Variants in IGSF9 observed in about 807,000 individuals in gnomAD.
The protein encoded by IGSF9 is immunoglobulin superfamily member 9, also known as protein turtle homolog A.
Under a neutral mutation model 121.7 loss-of-function variants are expected in IGSF9, and 87 were observed. That is an observed-to-expected ratio of 0.71 (90% confidence interval 0.60 to 0.85). IGSF9 has a LOEUF of 0.85. Among genes scored for constraint, IGSF9 ranks in the 40% least tolerant of loss-of-function variants. The probability of loss-of-function intolerance (pLI) is 0.00; values close to 1 mark genes in which losing one functional copy is unlikely to be tolerated. For synonymous variants in IGSF9, 640 were observed against 648.4 expected, an observed-to-expected ratio of 0.99 and a Z score of 0.20; for missense variants, 1,462 against 1,565.3, an observed-to-expected ratio of 0.93 and a Z score of 1.11.
chr1:159,938,361 G>A (rs993128145), intron 3 of IGSF9, among the ~76,000 whole-genome samples: 2 of 152,132 alleles, frequency 1.3e-5, no homozygotes, highest in African/African-American at 4.8e-5. Context: ...CAGCCTAAGC[G>A]CCTTAGGGTG....
At chr1:159,941,917 A>G (rs531458654) in intron 3 of IGSF9, among the ~76,000 whole-genome samples, 1 of 152,304 alleles carries the variant, frequency 6.6e-6, no homozygotes, top group East Asian at 1.9e-4. Context: ...TTGAAAAGAA[A>G]CTTCCCTTCT....
chr1:159,936,708 C>T (rs567002686), intron 5 of IGSF9, 46 bp downstream of exon 5: 19 of 1,602,240 alleles, frequency 1.2e-5, no homozygotes, highest in Non-Finnish European at 1.6e-5. Context: ...CCCCCACCTT[C>T]CCTTCACACT....
intron 7 of IGSF9, 39 bp from the exon 8 acceptor site, chr1:159,934,609 C>T (rs1200723295): frequency 6.2e-7 from 1 of 1,613,096 alleles, no homozygotes; most frequent in Non-Finnish European, 8.5e-7. Flanking sequence ...CCAGGCCTTG[C>T]CCAGCCAAGC....
At chr1:159,933,480 G>T (rs998536999) in intron 9 of IGSF9, 1 of 152,440 alleles carries the variant, frequency 6.6e-6, no homozygotes, top group African/African-American at 2.4e-5. Context: ...TTGGAATGAG[G>T]CAATAGTAAC....
At chr1:159,940,743 G>C (rs1045898837) in intron 3 of IGSF9, among the ~76,000 whole-genome samples, 2 of 152,230 alleles carry the variant, frequency 1.3e-5, no homozygotes, top group African/African-American at 2.4e-5. Context: ...AGAGCAAGCA[G>C]GGGAGTTCTA....
At position 159,932,204 on chromosome 1, in the gene IGSF9, C is replaced by T; in HGVS notation, c.1246-276G>A. 3.5e-6 allele frequency: 2 copies of T among 574,452 alleles called. No homozygotes were observed. Among genetic ancestry groups the T allele is most frequent in the Non-Finnish European group, 6.2e-6 (2 of 323,512 alleles). 35.6% of individuals were successfully genotyped at this position (574,452 alleles called of 1,614,324 possible). ...AGGACTCTCAGAGATGTACAAACCT[C>T]TGCAGAACATTCTTCCTCCCAGAGC... On this transcript the variant is annotated intron_variant, in intron 10 of 20. Transcript: ENST00000368094. This position sits in a 1 kb window ranked among gnomAD's most constrained non-coding sequence, Gnocchi z 4.1.
Position 159,931,514 on chromosome 1 carries a change from C to G in IGSF9, c.1452G>C (p.Trp484Cys), listed in dbSNP as rs1000944519. The G allele has an allele frequency of 6.2e-7, 1 of 1,614,096 alleles. No individual in the cohort carries two copies. Among genetic ancestry groups the G allele is most frequent in the African/African-American group, 1.3e-5 (1 of 75,050 alleles). Residue 484 changes from tryptophan (W) to cysteine (C), a missense_variant, in exon 12 of 21, where the codon TGG (tryptophan) becomes TGC (cysteine). By Grantham distance (215) the Trp-to-Cys change is radical. This residue lies in a region of IGSF9 where 96 missense variants were observed against 150.7 expected (regional missense o/e 0.64). Coordinates refer to ENST00000368094, the MANE Select transcript of IGSF9 (RefSeq NM_001135050.2). This position sits in a 1 kb window ranked among gnomAD's most constrained non-coding sequence, Gnocchi z 4.8. The stretch of plus-strand genomic sequence containing the variant: ...CCACAGCATTGCTGGCACTGCATTC[C>G]CAGTGCCCGTGGGCCTCCTTGGTCA... The part of the protein sequence containing the change: ...RPLTKEAHGH[W>C]ECSASNAVAR...
In IGSF9 at chr1:159,927,631, G is replaced by A. The variant is rs189799967; in HGVS notation, c.3359-105C>T. The A allele has an allele frequency of 2.0e-4, 310 of 1,539,536 alleles. No homozygotes were observed. In the East Asian group the frequency reaches 6.4e-3, roughly 32 times the overall value. On this transcript the variant is annotated intron_variant, in intron 20 of 20. Coordinates refer to ENST00000368094, the MANE Select transcript of IGSF9 (RefSeq NM_001135050.2). ...CCTTCCAGTACAGATGGCCCAAGGG[G>A]GCAAGGCACAGTCTAGAGCAGAGGA...
In IGSF9 at chr1:159,928,281, G is replaced by A. The variant is rs756169315; in HGVS notation, c.3107C>T (p.Pro1036Leu). Residue 1036 changes from proline to leucine, a missense_variant, in exon 19 of 21, where the codon CCC becomes CTC. By Grantham distance (98) the Pro-to-Leu change is moderately conservative. Around this residue, in one of 3 missense-constraint regions of IGSF9, gnomAD observed 808 missense variants for 815.2 expected, o/e 0.99. Coordinates refer to ENST00000368094, the MANE Select transcript of IGSF9 (RefSeq NM_001135050.2). ...SGRGSASFLR[P>L]PSTAPSAGGS... ...TCCTGCAGAGGGGGCTGTGGAGGGG[G>A]GCCGCAGGAACGAAGCGCTGCCTCG... The A allele has an allele frequency of 1.1e-5, 18 of 1,612,796 alleles. No homozygotes were observed. The highest frequency in any genetic ancestry group is 1.4e-5 in the Non-Finnish European group (16 of 1,179,794).
At position 159,932,442 on chromosome 1, in the gene IGSF9, C is replaced by CA; in HGVS notation, c.1245+69_1245+70insT. 1 of 1,527,624 alleles carries CA rather than the reference C, an allele frequency of 6.5e-7. No homozygotes were observed. Among genetic ancestry groups the CA allele is most frequent in the Non-Finnish European group, 9.0e-7 (1 of 1,114,054 alleles). 94.6% of individuals were successfully genotyped at this position (1,527,624 alleles called of 1,614,324 possible). A position where few individuals can be genotyped will look rare whatever the true frequency, so the allele number is the denominator to read the frequency against. On this transcript the variant is annotated intron_variant, in intron 10 of 20. Coordinates refer to ENST00000368094, the MANE Select transcript of IGSF9 (RefSeq NM_001135050.2). This position sits in a 1 kb window ranked among gnomAD's most constrained non-coding sequence, Gnocchi z 4.1. Reference sequence around the variant, plus strand: ...TCTGCCCCACCCCACCCCCATCAGCCTGGCCTTAGCACCATCTCCAGCCAT... The same window carrying CA: ...TCTGCCCCACCCCACCCCCATCAGCCATGGCCTTAGCACCATCTCCAGCCAT...
Position 159,934,688 on chromosome 1 carries a change from G to A in IGSF9, c.808C>T (p.His270Tyr), listed in dbSNP as rs142743742. 4 of 1,614,240 alleles carry A rather than the reference G, an allele frequency of 2.5e-6. No homozygotes were observed. The highest frequency in any genetic ancestry group is 3.4e-6 in the Non-Finnish European group (4 of 1,180,038). The change falls in exon 7 of 21, where the codon CAC (histidine) becomes TAC (tyrosine). Residue 270 changes from histidine (H) to tyrosine (Y), a missense_variant. His to Tyr is a moderately conservative substitution (Grantham distance 83). Around this residue, in one of 3 missense-constraint regions of IGSF9, gnomAD observed 558 missense variants for 599.4 expected, o/e 0.93. Transcript: ENST00000368094. ...TAATGAGGGTGACCCCACCTAATGT[G>A]GAAGACATTGATGTTGTCCTGGAAC... ...SWFQDNINVF[H>Y]ISRLQPRVRI...
In IGSF9 at chr1:159,930,447, G is replaced by A. The variant is rs761330678; in HGVS notation, c.1814-8C>T. 15 of 1,527,306 alleles carry A rather than the reference G, an allele frequency of 9.8e-6. No homozygotes were observed. In the South Asian group the frequency reaches 1.9e-4, roughly 20 times the overall value. The allele number at this position is 1,527,306 out of a possible 1,614,324, so 94.6% of individuals were successfully genotyped here. On this transcript the variant is annotated splice_polypyrimidine_tract_variant and splice_region_variant and intron_variant, in intron 14 of 20. Transcript: ENST00000368094. ...CTGGCGTGGTAGGAAGCCCTGCGTG[G>A]GACAGAAAGGCAGGTCAGAGCAAGG...
Position 159,929,694 on chromosome 1 carries a change from C to G in IGSF9, c.2270G>C (p.Gly757Ala), listed in dbSNP as rs778769134. ...GVAVLVSILA[G>A]CLLNRRRAAR... ...AGCCCTGCGCCGGTTCAGGAGGCAG[C>G]CGGCCAGGATGCTCACAAGGACGGC... Residue 757 changes from glycine (G) to alanine (A), a missense_variant, in exon 17 of 21, where the codon GGC becomes GCC. Gly to Ala is a moderately conservative substitution (Grantham distance 60). Around this residue, in one of 3 missense-constraint regions of IGSF9, gnomAD observed 808 missense variants for 815.2 expected, o/e 0.99. Transcript: ENST00000368094. The G allele has an allele frequency of 6.3e-6, 10 of 1,597,504 alleles. No homozygotes were observed. The highest frequency in any genetic ancestry group is 5.7e-5 in the South Asian group (5 of 88,398).
At position 159,942,975 on chromosome 1, in the gene IGSF9, G is replaced by T. The variant is rs1259805713; in HGVS notation, c.235C>A (p.Pro79Thr). 1.2e-6 allele frequency: 2 copies of T among 1,613,018 alleles called. No homozygotes were observed. The highest frequency in any genetic ancestry group is 3.3e-5 in the Admixed American group (2 of 59,778). The change falls in exon 3 of 21, where the codon CCT becomes ACT. Residue 79 changes from proline to threonine, a missense_variant. Pro to Thr is a conservative substitution (Grantham distance 38). Around this residue, in one of 3 missense-constraint regions of IGSF9, gnomAD observed 558 missense variants for 599.4 expected, o/e 0.93. Transcript: ENST00000368094. ...GGAGAACTCTTACCCACGTAATCAG[G>T]GTCAATTCGGGGAGAGTAGAGGCCG... ...QFGLYSPRID[P>T]DYVGRVRLQK...
At chr1:159,936,996 C>T (rs1571218490) in intron 4 of IGSF9, 88 bp from the exon 5 acceptor site, 2 of 1,343,548 alleles carry the variant, frequency 1.5e-6, no homozygotes, top group Non-Finnish European at 2.1e-6. Context: ...CTCAGGGCTC[C>T]AGCCTGCTGC....
chr1:159,940,632 G>A (rs1419745932), intron 3 of IGSF9, among the ~76,000 whole-genome samples: 6 of 152,214 alleles, frequency 3.9e-5, no homozygotes, highest in East Asian at 3.9e-4. Context: ...TGCTAACTGC[G>A]CCCAGACATT....
intron 3 of IGSF9, 108 bp downstream of exon 3, chr1:159,942,850 GGAGAT>G: frequency 1.3e-6 from 1 of 798,820 alleles, no homozygotes; most frequent in Non-Finnish European, 2.0e-6. Context: ...CAGCAGAGCT[GGAGAT>G]GAGATCAGAG....
At chr1:159,933,412 G>T (rs1047710041) in intron 9 of IGSF9, 6 of 152,250 alleles carry the variant, frequency 3.9e-5, no homozygotes, top group African/African-American at 1.2e-4. Context: ...ATGATGAAAA[G>T]ATGCAATACT....
chr1:159,942,780 ATCTT>A (rs756341201), intron 3 of IGSF9, among the ~76,000 whole-genome samples, 179 bp downstream of exon 3: 23 of 151,772 alleles, frequency 1.5e-4, no homozygotes, highest in Non-Finnish European at 3.1e-4. Flanking sequence ...AAATGAATGA[ATCTT>A]TCAATGAATT....
Sources: allele counts gnomAD v4.1 joint callset (sites outside exome capture counted in the v4.1 genomes callset), GRCh38; gene constraint gnomAD v4.1.1; regional missense constraint gnomAD v4.1.1; non-coding constraint Gnocchi (gnomAD v3.1); transcripts MANE v1.5; gene names NCBI Gene and HGNC (gene_info 2026-07-23, HGNC 2026-07-21).